TENM2: variants seen among roughly 807,000 people sequenced by gnomAD.
TENM2 encodes the protein teneurin transmembrane protein 2, also known as teneurin-2.
Under a neutral mutation model 245.2 loss-of-function variants are expected in TENM2, and 52 were observed. The ratio of observed to expected loss-of-function variants is 0.21; its 90% CI spans 0.17 to 0.27. The LOEUF (loss-of-function observed/expected upper bound fraction) is 0.27, where lower values mean the gene tolerates loss of function less well. TENM2 is among the 10% of genes least tolerant of loss of function. The pLI is 1.00. For missense variants in TENM2, 3,046 were observed against 3,666.8 expected, an observed-to-expected ratio of 0.83 and a Z score of 4.37; for synonymous variants, 1,363 against 1,438.9, an observed-to-expected ratio of 0.95 and a Z score of 1.19.
intron 1 of TENM2, among the ~76,000 whole-genome samples, chr5:167,353,530 C>T (rs527246435): frequency 1.7e-4 from 12 of 69,666 alleles, no homozygotes; most frequent in Non-Finnish European, 2.4e-4. Context: ...TTTTTTGAGA[C>T]GGAGTCTCGC....
intron 2 of TENM2, among the ~76,000 whole-genome samples, chr5:167,394,563 TA>T (rs1413745885): frequency 6.6e-6 from 1 of 152,084 alleles, no homozygotes; most frequent in Non-Finnish European, 1.5e-5. Flanking sequence ...TAAATATAAA[TA>T]AATGTATGTA....
the TENM2 span, among the ~76,000 whole-genome samples, chr5:167,188,197 G>A: frequency 6.6e-6 from 1 of 152,130 alleles, no homozygotes; most frequent in Admixed American, 6.6e-5. Context: ...CATAATTCAG[G>A]ATAATTGGCA....
At chr5:167,663,141 GGAGAGAGAGAGA>G (rs544699415) in intron 2 of TENM2, among the ~76,000 whole-genome samples, 10,398 of 109,044 alleles carry the variant, frequency 0.095, 391 homozygotes, top group Admixed American at 0.2. Context: ...ATGGGGATGG[GGAGAGAGAGAGA>G]GAGAGAGAGA....
chr5:167,759,140 C>A (rs941114480), intron 2 of TENM2, among the ~76,000 whole-genome samples: 1 of 147,088 alleles, frequency 6.8e-6, no homozygotes, highest in African/African-American at 2.6e-5. Flanking sequence ...GTTCAAATCC[C>A]AGTTCTGACA....
At chr5:167,730,178 G>A (rs1004747894) in intron 2 of TENM2, among the ~76,000 whole-genome samples, 1 of 152,138 alleles carries the variant, frequency 6.6e-6, no homozygotes, top group Non-Finnish European at 1.5e-5. Context: ...TCTCATTGGA[G>A]CATACTACAG....
At chr5:167,095,828 T>C in the TENM2 span, among the ~76,000 whole-genome samples, 1 of 150,020 alleles carries the variant, frequency 6.7e-6, no homozygotes, top group Non-Finnish European at 1.5e-5. Flanking sequence ...TGGAGTGCAA[T>C]GGCGTGATCT....
At position 167,431,962 on chromosome 5, in the gene TENM2, T is replaced by TATATAC. The variant is rs1561950452; in HGVS notation, c.502+56494_502+56495insCATATA. Among the ~76,000 whole-genome samples, 243 of 124,124 alleles carry TATATAC rather than the reference T, an allele frequency of 2.0e-3. 3 individuals carry two copies. Among genetic ancestry groups the TATATAC allele is most frequent in the African/African-American group, 9.3e-3 (233 of 25,132 alleles). The allele number at this position is 124,124 out of a possible 152,430, so 81.4% of individuals were successfully genotyped here. The stretch of plus-strand genomic sequence containing the variant: ...ATACATATATATGTATATATATATG[T>TATATAC]ATATATATATATATATGGAAGTTCA... On this transcript the variant is annotated intron_variant, in intron 2 of 28. Transcript: ENST00000518659.
chr5:167,309,642 C>T (rs79484210), intron 1 of TENM2, among the ~76,000 whole-genome samples: 1,746 of 152,166 alleles, frequency 0.011, 32 homozygotes, highest in African/African-American at 0.04. Context: ...GACTATAAGC[C>T]GCAGGAGATC....
At chr5:167,397,441 T>G (rs1762118320) in intron 2 of TENM2, among the ~76,000 whole-genome samples, 1 of 152,150 alleles carries the variant, frequency 6.6e-6, no homozygotes, top group East Asian at 1.9e-4. Flanking sequence ...GTGAAATCAT[T>G]TATAAAACAA....
intron 13 of TENM2, among the ~76,000 whole-genome samples, chr5:168,188,009 C>T (rs990572014): frequency 6.6e-6 from 1 of 152,118 alleles, no homozygotes; most frequent in Admixed American, 6.5e-5. Context: ...AACATTTGCC[C>T]ATGTGGAAAA....
chr5:168,170,268 C>T (rs1367482015), intron 13 of TENM2, among the ~76,000 whole-genome samples: 1 of 152,146 alleles, frequency 6.6e-6, no homozygotes, highest in African/African-American at 2.4e-5. Flanking sequence ...CTTTGGGAGG[C>T]CAAGGAGGGC....
At chr5:167,375,871 C>T (rs1195139489) in intron 2 of TENM2, among the ~76,000 whole-genome samples, 1 of 152,134 alleles carries the variant, frequency 6.6e-6, no homozygotes, top group Non-Finnish European at 1.5e-5. Flanking sequence ...GTGACGATCT[C>T]TTAAGAATCC....
chr5:167,194,236 C>T, the TENM2 span, among the ~76,000 whole-genome samples: 2 of 151,908 alleles, frequency 1.3e-5, no homozygotes, highest in East Asian at 1.9e-4. Flanking sequence ...CATTGTGTAC[C>T]GGTGACACAT....
intron 2 of TENM2, among the ~76,000 whole-genome samples, chr5:167,573,326 C>T (rs572066346): frequency 1.5e-4 from 23 of 152,146 alleles, no homozygotes; most frequent in Non-Finnish European, 1.2e-4. Context: ...AACCCAGAGA[C>T]ACACTGCGAT....
At chr5:166,994,104 C>T in the TENM2 span, among the ~76,000 whole-genome samples, 1 of 152,230 alleles carries the variant, frequency 6.6e-6, no homozygotes, top group African/African-American at 2.4e-5. Flanking sequence ...TACATTCAGC[C>T]AGGTTACCTC....
chr5:167,464,730 G>A (rs1372416386), intron 2 of TENM2, among the ~76,000 whole-genome samples: 7 of 152,110 alleles, frequency 4.6e-5, no homozygotes, highest in Non-Finnish European at 5.9e-5. Flanking sequence ...AGGCCTGACT[G>A]TATTAACTTA....
In TENM2 at chr5:167,316,012, T is replaced by A. The variant is rs766048003; in HGVS notation, c.226+30949T>A. On this transcript the variant is annotated intron_variant, in intron 1 of 28. Transcript: ENST00000518659. Reference sequence around the variant, plus strand: ...GCTCACTCCCTACTCCCTGCAGGTCTCTGCTCAAACATTATCTCTTCCTGC... The same window carrying A: ...GCTCACTCCCTACTCCCTGCAGGTCACTGCTCAAACATTATCTCTTCCTGC... 1.3e-5 allele frequency among the ~76,000 whole-genome samples: 2 copies of A among 152,174 alleles called. 1 individual carries two copies. The highest frequency in any genetic ancestry group is 4.1e-4 in the South Asian group (2 of 4,830).
At chr5:167,987,390 C>T (rs1424873587) in intron 4 of TENM2, among the ~76,000 whole-genome samples, 7 of 151,432 alleles carry the variant, frequency 4.6e-5, no homozygotes, top group African/African-American at 7.3e-5. Context: ...CGCAATGGCA[C>T]GGTCTCAGCT....
At chr5:167,204,885 A>G in the TENM2 span, among the ~76,000 whole-genome samples, 2 of 152,226 alleles carry the variant, frequency 1.3e-5, no homozygotes, top group African/African-American at 4.8e-5. Flanking sequence ...GAGATTGCCC[A>G]TCAAAGAGAC....
Sources: allele counts gnomAD v4.1 joint callset (sites outside exome capture counted in the v4.1 genomes callset), GRCh38; gene constraint gnomAD v4.1.1; transcripts MANE v1.5; gene names NCBI Gene and HGNC (gene_info 2026-07-23, HGNC 2026-07-21).